PVT1: variants seen among roughly 807,000 people sequenced by gnomAD.
The protein encoded by PVT1 is Pvt1 oncogene, also known as CXCR4/PVT1 fusion.
At chr8:128,017,233 G>A (rs147739180) in intron 4 of PVT1, among the ~76,000 whole-genome samples, 5 of 152,264 alleles carry the variant, frequency 3.3e-5, no homozygotes, top group Admixed American at 1.3e-4. Context: ...GGAGGTCCTA[G>A]AGTCCTATTT....
chr8:127,846,080 C>T (rs1259195014), intron 2 of PVT1, among the ~76,000 whole-genome samples: 1 of 152,178 alleles, frequency 6.6e-6, no homozygotes, highest in Non-Finnish European at 1.5e-5. Context: ...TTCCCAAGCA[C>T]ACATCGTGGA....
intron 3 of PVT1, among the ~76,000 whole-genome samples, chr8:127,944,820 G>T (rs1249468898): frequency 1.3e-5 from 2 of 152,160 alleles, no homozygotes; most frequent in African/African-American, 4.8e-5. Flanking sequence ...GACTCCGAGG[G>T]CGCAGGCTGC....
At chr8:127,953,252 C>T (rs964519684) in intron 3 of PVT1, among the ~76,000 whole-genome samples, 6 of 152,158 alleles carry the variant, frequency 3.9e-5, no homozygotes, top group African/African-American at 9.7e-5. Flanking sequence ...ATCTTGGCCC[C>T]GATCTGCTGG....
At chr8:127,857,271 C>A (rs1416880968) in intron 2 of PVT1, among the ~76,000 whole-genome samples, 1 of 152,094 alleles carries the variant, frequency 6.6e-6, no homozygotes, top group Admixed American at 6.5e-5. Context: ...AGAGTGCTTA[C>A]CATGTGCCTA....
chr8:127,855,463 T>A (rs1252567251), intron 2 of PVT1: 3 of 364,380 alleles, frequency 8.2e-6, no homozygotes, highest in Non-Finnish European at 1.5e-5. Context: ...GGTTCCAGCT[T>A]CACCCTCCTT....
At chr8:128,095,594 T>C (rs1449732786) in intron 5 of PVT1, among the ~76,000 whole-genome samples, 2 of 152,230 alleles carry the variant, frequency 1.3e-5, no homozygotes, top group Non-Finnish European at 2.9e-5. Flanking sequence ...CTTTACATAT[T>C]GTCTGTGACT....
intron 2 of PVT1, among the ~76,000 whole-genome samples, chr8:127,875,465 C>T (rs943210065): frequency 6.6e-6 from 1 of 152,036 alleles, no homozygotes. Context: ...TTCGAGCCTC[C>T]GTTCCTCATC....
At chr8:127,921,804 C>G (rs1816061482) in intron 3 of PVT1, among the ~76,000 whole-genome samples, 1 of 87,174 alleles carries the variant, frequency 1.1e-5, no homozygotes, top group Non-Finnish European at 2.3e-5. Context: ...GACTGCGAGA[C>G]TCTGTCTGGA....
intron 5 of PVT1, among the ~76,000 whole-genome samples, chr8:128,095,205 G>C (rs1210939424): frequency 6.6e-6 from 1 of 152,150 alleles, no homozygotes; most frequent in Non-Finnish European, 1.5e-5. Flanking sequence ...TTTGGAATCT[G>C]GGCTGGAATC....
At chr8:127,836,415 A>T (rs1012756864) in intron 2 of PVT1, among the ~76,000 whole-genome samples, 2 of 152,182 alleles carry the variant, frequency 1.3e-5, no homozygotes, top group Non-Finnish European at 2.9e-5. Context: ...CTAGTTATTA[A>T]GCCCAGCATG....
chr8:127,953,938 G>C (rs918170662), intron 3 of PVT1, among the ~76,000 whole-genome samples: 2 of 152,248 alleles, frequency 1.3e-5, no homozygotes, highest in Non-Finnish European at 2.9e-5. Flanking sequence ...GCAAAGCATG[G>C]TCTAGGCAGG....
At chr8:127,802,482 C>T (rs767461869) in intron 2 of PVT1, among the ~76,000 whole-genome samples, 1 of 152,204 alleles carries the variant, frequency 6.6e-6, no homozygotes, top group African/African-American at 2.4e-5. Context: ...TCCTATAGTT[C>T]TAGGGTTACA....
chr8:127,915,102 G>A (rs922942835), intron 3 of PVT1, among the ~76,000 whole-genome samples: 2 of 151,966 alleles, frequency 1.3e-5, no homozygotes, highest in African/African-American at 2.4e-5. Flanking sequence ...TGGGATTACA[G>A]GTGTGAGCCA....
At chr8:128,091,293 C>G (rs1473359308) in intron 5 of PVT1, among the ~76,000 whole-genome samples, 2 of 152,166 alleles carry the variant, frequency 1.3e-5, no homozygotes, top group Non-Finnish European at 2.9e-5. Flanking sequence ...ATTATACAAC[C>G]TGCACTCCAG....
chr8:127,913,302 C>T (rs1278227066), intron 3 of PVT1, among the ~76,000 whole-genome samples: 3 of 152,202 alleles, frequency 2.0e-5, no homozygotes, highest in Non-Finnish European at 2.9e-5. Context: ...CAGGGTCAGG[C>T]GCAACATGCT....
At chr8:128,078,498 C>T (rs1814122640) in intron 5 of PVT1, among the ~76,000 whole-genome samples, 1 of 152,176 alleles carries the variant, frequency 6.6e-6, no homozygotes, top group African/African-American at 2.4e-5. Context: ...TTACTTAGAA[C>T]TTAGTACTAA....
intron 4 of PVT1, among the ~76,000 whole-genome samples, chr8:128,047,231 C>T (rs1469593167): frequency 6.6e-6 from 1 of 152,164 alleles, no homozygotes; most frequent in Non-Finnish European, 1.5e-5. Context: ...GTTCTTGAAT[C>T]TCTCAGAGTC....
chr8:127,831,699 C>T (rs1265613889), intron 2 of PVT1, among the ~76,000 whole-genome samples: 2 of 152,128 alleles, frequency 1.3e-5, no homozygotes, highest in South Asian at 2.1e-4. Context: ...AGAAGGAAGA[C>T]CTTCTTAAGG....
chr8:127,978,878 A>G (rs1419788664), intron 3 of PVT1, among the ~76,000 whole-genome samples: 2 of 151,280 alleles, frequency 1.3e-5, no homozygotes, highest in Non-Finnish European at 2.9e-5. Context: ...GTATTCTTGA[A>G]CTCCTAGACT....
Sources: allele counts gnomAD v4.1 joint callset (sites outside exome capture counted in the v4.1 genomes callset), GRCh38; gene constraint gnomAD v4.1.1; transcripts MANE v1.5; gene names NCBI Gene and HGNC (gene_info 2026-07-23, HGNC 2026-07-21).